CNTNAP2: variants seen among roughly 807,000 people sequenced by gnomAD.
The protein encoded by CNTNAP2 is contactin-associated protein-like 2.
Under a neutral mutation model 155.2 loss-of-function variants are expected in CNTNAP2, and 98 were observed. The observed-to-expected ratio is 0.63, with a 90% CI of 0.54 to 0.75. The LOEUF (loss-of-function observed/expected upper bound fraction) is 0.75. Among genes scored for constraint, CNTNAP2 ranks in the 30% least tolerant of loss-of-function variants. CNTNAP2 has a pLI of 0.00. For missense variants in CNTNAP2, 1,727 were observed against 1,688.1 expected, an observed-to-expected ratio of 1.02 and a Z score of -0.40; for synonymous variants, 651 against 631.2, an observed-to-expected ratio of 1.03 and a Z score of -0.47.
intron 3 of CNTNAP2, among the ~76,000 whole-genome samples, chr7:146,910,258 C>A (rs1159446465): frequency 1.3e-5 from 2 of 148,482 alleles, no homozygotes; most frequent in Non-Finnish European, 3.0e-5. Flanking sequence ...CAATGCCATC[C>A]CCATCAAGCT....
chr7:146,695,626 C>T (rs1587046), intron 1 of CNTNAP2, among the ~76,000 whole-genome samples: 18,385 of 151,826 alleles, frequency 0.12, 2,837 homozygotes, highest in African/African-American at 0.36. Context: ...GGGGTTTCCT[C>T]GTGTTGCCTA....
chr7:146,857,985 C>G (rs1562975782), intron 3 of CNTNAP2, among the ~76,000 whole-genome samples: 1 of 152,126 alleles, frequency 6.6e-6, no homozygotes, highest in Non-Finnish European at 1.5e-5. Flanking sequence ...ACCAACAAGT[C>G]ACACTTATCA....
chr7:146,758,967 G>A (rs1239927567), intron 1 of CNTNAP2, among the ~76,000 whole-genome samples: 2 of 152,060 alleles, frequency 1.3e-5, no homozygotes, highest in Non-Finnish European at 2.9e-5. Flanking sequence ...CTTATCACTG[G>A]TGATGATGGC....
chr7:146,661,727 T>C (rs1261637944), intron 1 of CNTNAP2, among the ~76,000 whole-genome samples: 1 of 74,060 alleles, frequency 1.4e-5, no homozygotes, highest in Non-Finnish European at 3.3e-5. Flanking sequence ...TTTCTTTCTT[T>C]CTTTCTTTTT....
At chr7:146,915,662 A>G (rs552349492) in intron 3 of CNTNAP2, among the ~76,000 whole-genome samples, 10 of 152,272 alleles carry the variant, frequency 6.6e-5, no homozygotes, top group African/African-American at 2.4e-4. Context: ...TGATTTTTGT[A>G]CATTAATTTT....
intron 1 of CNTNAP2, among the ~76,000 whole-genome samples, chr7:146,123,940 TC>T (rs1388587667): frequency 6.6e-6 from 1 of 152,178 alleles, no homozygotes; most frequent in Admixed American, 6.5e-5. Context: ...CGAGTTCATT[TC>T]TTTGCATGGA....
chr7:147,573,517 G>A (rs768914773), intron 12 of CNTNAP2, among the ~76,000 whole-genome samples: 21 of 152,186 alleles, frequency 1.4e-4, no homozygotes, highest in Non-Finnish European at 2.4e-4. Context: ...TAGGTTTCAG[G>A]GCTAGGACAA....
chr7:147,495,470 T>C (rs1798688476), intron 11 of CNTNAP2, among the ~76,000 whole-genome samples: 1 of 152,194 alleles, frequency 6.6e-6, no homozygotes, highest in African/African-American at 2.4e-5. Flanking sequence ...CACTGCCCTG[T>C]TTCATTATTA....
At chr7:147,819,542 T>C (rs760472748) in intron 13 of CNTNAP2, among the ~76,000 whole-genome samples, 2 of 152,206 alleles carry the variant, frequency 1.3e-5, no homozygotes. Flanking sequence ...TTATAGTGTT[T>C]TTATTGAAAT....
At chr7:147,297,820 G>A (rs1176716264) in intron 8 of CNTNAP2, among the ~76,000 whole-genome samples, 1 of 152,164 alleles carries the variant, frequency 6.6e-6, no homozygotes, top group African/African-American at 2.4e-5. Flanking sequence ...GTATTCATCT[G>A]TTGATGGACA....
chr7:147,604,395 C>T (rs549511795), intron 12 of CNTNAP2, among the ~76,000 whole-genome samples: 21 of 152,294 alleles, frequency 1.4e-4, no homozygotes, highest in African/African-American at 5.1e-4. Context: ...CAGTCTATTG[C>T]AATTGTTACT....
At chr7:148,224,966 C>T (rs1795820460) in intron 19 of CNTNAP2, among the ~76,000 whole-genome samples, 1 of 152,194 alleles carries the variant, frequency 6.6e-6, no homozygotes, top group African/African-American at 2.4e-5. Context: ...GGGTCCCTCC[C>T]ATGGCACATG....
intron 12 of CNTNAP2, among the ~76,000 whole-genome samples, chr7:147,631,561 C>T (rs965222630): frequency 6.6e-6 from 1 of 152,230 alleles, no homozygotes; most frequent in African/African-American, 2.4e-5. Context: ...GGAGGCATCA[C>T]GTTACCCTAA....
intron 8 of CNTNAP2, among the ~76,000 whole-genome samples, chr7:147,180,381 T>C (rs1802430353): frequency 6.6e-6 from 1 of 152,186 alleles, no homozygotes; most frequent in Admixed American, 6.5e-5. Context: ...CTTTGGAGTA[T>C]ATCACAACTC....
chr7:148,146,065 A>G (rs1318829550), intron 16 of CNTNAP2, among the ~76,000 whole-genome samples: 1 of 152,202 alleles, frequency 6.6e-6, no homozygotes, highest in Non-Finnish European at 1.5e-5. Context: ...GTCCTGAGAG[A>G]ATCTGGCCCA....
intron 15 of CNTNAP2, among the ~76,000 whole-genome samples, chr7:148,030,528 T>TA (rs202232716): frequency 7.6e-6 from 1 of 131,184 alleles, no homozygotes; most frequent in Non-Finnish European, 1.7e-5. Flanking sequence ...AAAGTGTCAT[T>TA]AAAAAAGAAT....
At chr7:146,205,125 T>C (rs1433757547) in intron 1 of CNTNAP2, among the ~76,000 whole-genome samples, 1 of 152,004 alleles carries the variant, frequency 6.6e-6, no homozygotes, top group African/African-American at 2.4e-5. Flanking sequence ...TATGAAGATA[T>C]CTAGAATCCC....
At chr7:146,439,892 C>T (rs576197788) in intron 1 of CNTNAP2, among the ~76,000 whole-genome samples, 4 of 151,464 alleles carry the variant, frequency 2.6e-5, no homozygotes, top group Non-Finnish European at 5.9e-5. Context: ...GGGAGGCCTA[C>T]GCCAGTGGAT....
At chr7:147,041,129 C>A (rs979708271) in intron 3 of CNTNAP2, among the ~76,000 whole-genome samples, 5 of 152,050 alleles carry the variant, frequency 3.3e-5, no homozygotes, top group African/African-American at 1.2e-4. Flanking sequence ...ACAACAAGAA[C>A]AACAACAACA....
Sources: allele counts gnomAD v4.1 joint callset (sites outside exome capture counted in the v4.1 genomes callset), GRCh38; gene constraint gnomAD v4.1.1; transcripts MANE v1.5; gene names NCBI Gene and HGNC (gene_info 2026-07-23, HGNC 2026-07-21).